Variants in PRG2 observed in about 807,000 individuals in gnomAD.
PRG2 encodes the protein proteoglycan 2, pro eosinophil major basic protein, also known as bone marrow proteoglycan.
Under a neutral mutation model 24.7 loss-of-function variants are expected in PRG2, and 23 were observed. The observed-to-expected ratio is 0.93, with a 90% CI of 0.67 to 1.32. The LOEUF is 1.32. Ranked by LOEUF, PRG2 falls within the 40% of genes most tolerant of loss-of-function variation. The pLI, the probability that PRG2 is intolerant of heterozygous loss-of-function variation, is 0.00. For synonymous variants in PRG2, 104 were observed against 99.8 expected, an observed-to-expected ratio of 1.04 and a Z score of -0.25; for missense variants, 271 against 280.9, an observed-to-expected ratio of 0.96 and a Z score of 0.25.
intron 2 of PRG2, 104 bp from the exon 3 acceptor site, chr11:57,389,421 T>C (rs1205207311): frequency 3.2e-5 from 41 of 1,285,940 alleles, no homozygotes; most frequent in Non-Finnish European, 4.1e-5. Context: ...AGTGCTCAAC[T>C]CTGCCTGGGA....
intron 5 of PRG2, 99 bp from the exon 6 acceptor site, chr11:57,387,632 A>C (rs1422937875): frequency 8.6e-6 from 12 of 1,399,386 alleles, no homozygotes; most frequent in Non-Finnish European, 9.9e-7. Flanking sequence ...CTGTGGAGTC[A>C]GAGTATATAA....
intron 1 of PRG2, 62 bp downstream of exon 1, chr11:57,390,534 G>A: frequency 1.0e-6 from 1 of 964,698 alleles, no homozygotes; most frequent in South Asian, 4.8e-5. Context: ...GTCAGCCACA[G>A]CCAGGGACCT....
intron 3 of PRG2, 68 bp downstream of exon 3, chr11:57,388,942 G>C: frequency 6.5e-7 from 1 of 1,543,132 alleles, no homozygotes; most frequent in Non-Finnish European, 8.7e-7. Context: ...GCCAGTGATA[G>C]CAATGCTGGG....
intron 2 of PRG2, among the ~76,000 whole-genome samples, chr11:57,389,640 G>C (rs1457091867): frequency 6.6e-6 from 1 of 152,192 alleles, no homozygotes; most frequent in African/African-American, 2.4e-5. Flanking sequence ...CACTCAGTAA[G>C]CTCAAAGTAA....
At chr11:57,388,405 C>A (rs1340517701) in intron 4 of PRG2, among the ~76,000 whole-genome samples, 172 bp downstream of exon 4, 2 of 152,120 alleles carry the variant, frequency 1.3e-5, no homozygotes, top group Non-Finnish European at 2.9e-5. Context: ...GATTCTAAAT[C>A]CTTAGCTCTT....
At chr11:57,389,430 G>C in intron 2 of PRG2, 113 bp from the exon 3 acceptor site, 2 of 1,208,920 alleles carry the variant, frequency 1.7e-6, no homozygotes, top group Middle Eastern at 2.7e-4. Context: ...CTCTGCCTGG[G>C]AAGGGGAACC....
chr11:57,389,679 A>G (rs376263776), intron 2 of PRG2, among the ~76,000 whole-genome samples: 2 of 152,222 alleles, frequency 1.3e-5, no homozygotes, highest in African/African-American at 4.8e-5. Context: ...AAAATTGGGA[A>G]TGTCACAGTA....
chr11:57,388,433 G>GC lies in PRG2; in HGVS notation c.498+143dup, dbSNP rs917765300. 2.8e-5 allele frequency: 35 copies of GC among 1,255,966 alleles called. No individual in the cohort carries two copies. The African/African-American group carries it at 5.0e-4, about 18-fold the overall frequency. 77.8% of individuals were successfully genotyped at this position (1,255,966 alleles called of 1,614,324 possible). ...TAGCTCTTCCCTGAATGCCCAGGCA[G>GC]CCCCCTCAGTGTTGTCTGTGGGTGT... is the stretch of plus-strand genomic sequence containing the variant. On this transcript the variant is annotated intron_variant, in intron 4 of 5. Coordinates refer to ENST00000311862, the MANE Select transcript of PRG2 (RefSeq NM_002728.6).
chr11:57,389,412 G>A (rs1857115865), intron 2 of PRG2, 95 bp from the exon 3 acceptor site: 36 of 1,349,374 alleles, frequency 2.7e-5, no homozygotes, highest in Non-Finnish European at 3.4e-5. Context: ...GGGCATCAGA[G>A]TGCTCAACTC....
At position 57,387,521 on chromosome 11, in the gene PRG2, C is replaced by A. The variant is rs146228047; in HGVS notation, c.623G>T (p.Arg208Leu). 6.2e-7 allele frequency: 1 copy of A among 1,613,788 alleles called. No individual in the cohort carries two copies. The highest frequency in any genetic ancestry group is 8.5e-7 in the Non-Finnish European group (1 of 1,179,832). Residue 208 changes from arginine to leucine, a missense_variant, in exon 6 of 6, where the codon CGT becomes CTT. Arg to Leu is a moderately radical substitution (Grantham distance 102). Transcript: ENST00000311862. Reference sequence around the variant, plus strand: ...AAGTCTTCTGAGGCAGTGGGCTCGACGCCAGTGGCCTCCTGTGAAGGCAGA... The same window carrying A: ...AAGTCTTCTGAGGCAGTGGGCTCGAAGCCAGTGGCCTCCTGTGAAGGCAGA... ...VALCTRGGHW[R>L]RAHCLRRLPF... is the part of the protein sequence containing the mutation.
rs761115844 is a variant in PRG2 at position 57,389,181 on chromosome 11, T to A, written c.195A>T (p.Glu65Asp). The change falls in exon 3 of 6, where the codon GAA becomes GAT. Residue 65 changes from glutamate (E) to aspartate (D), a missense_variant. By Grantham distance (45) the Glu-to-Asp change is conservative. Transcript: ENST00000311862. Reference sequence around the variant, plus strand: ...CAGCCCCATCTTTCTTGGAGGCATCTTCACTTCCAGAGCCCCACTCCTCCT... The same window carrying A: ...CAGCCCCATCTTTCTTGGAGGCATCATCACTTCCAGAGCCCCACTCCTCCT... ...EEEEEWGSGS[E>D]DASKKDGAVE... is the part of the protein sequence containing the mutation. The A allele has an allele frequency of 6.2e-7, 1 of 1,614,184 alleles. No individual in the cohort carries two copies. The highest frequency in any genetic ancestry group is 1.1e-5 in the South Asian group (1 of 91,084).
chr11:57,390,597 C>A lies in PRG2; in HGVS notation c.-14G>T. 1.0e-6 allele frequency: 1 copy of A among 985,598 alleles called. No homozygotes were observed. The highest frequency in any genetic ancestry group is 1.2e-6 in the Non-Finnish European group (1 of 830,014). The allele number at this position is 985,598 out of a possible 1,614,324, so 61.1% of individuals were successfully genotyped here. Reference sequence around the variant, plus strand: ...CACCACAGCAGAGAAAGCACTCACCCACCCAGAGACCTTCCTGGGTCTTTA... The same window carrying A: ...CACCACAGCAGAGAAAGCACTCACCAACCCAGAGACCTTCCTGGGTCTTTA... On this transcript the variant is annotated splice_region_variant and 5_prime_UTR_variant, in exon 1 of 6. Transcript: ENST00000311862.
chr11:57,388,800 C>G (rs1590657455), intron 3 of PRG2, 92 bp from the exon 4 acceptor site: 4 of 1,530,454 alleles, frequency 2.6e-6, no homozygotes, highest in East Asian at 4.6e-5. Context: ...CCCTCCCTCC[C>G]CTGCCACAAC....
rs1336013709 is a variant in PRG2 at position 57,387,744 on chromosome 11, C to T, written c.610+10G>A. 1.9e-6 allele frequency: 3 copies of T among 1,555,652 alleles called. No homozygotes were observed. Among genetic ancestry groups the T allele is most frequent in the Non-Finnish European group, 2.6e-6 (3 of 1,149,398 alleles). On this transcript the variant is annotated intron_variant, in intron 5 of 5. Transcript: ENST00000311862. ...GACCTTTCCATCGTTCATCCCCAGC[C>T]CCACCTCACCTCGGGTACACAGGGC...
intron 2 of PRG2, 126 bp from the exon 3 acceptor site, chr11:57,389,443 G>A: frequency 2.8e-6 from 3 of 1,089,324 alleles, no homozygotes; most frequent in Non-Finnish European, 2.6e-6. Flanking sequence ...GGGGAACCTG[G>A]AACCCAGTCT....
intron 2 of PRG2, 77 bp from the exon 3 acceptor site, chr11:57,389,394 C>T (rs769921940): frequency 1.2e-5 from 18 of 1,470,710 alleles, no homozygotes; most frequent in Non-Finnish European, 1.5e-5. Flanking sequence ...CAGCTCACAC[C>T]TTGCCCTGGG....
Position 57,387,827 on chromosome 11 carries a change from G to A in PRG2, c.537C>T (p.Arg179=), listed in dbSNP as rs1195913551. ...CRRFQWVDGS[R]WNFAYWAAHQ... is the part of the protein sequence containing the mutation. ...GAGCAGCCCAGTATGCAAAGTTCCA[G>A]CGGCTGCCGTCAACCCACTGAAAGC... The change falls in exon 5 of 6, where the codon CGC becomes CGT. Residue 179 remains arginine (R), a synonymous_variant. Coordinates refer to ENST00000311862, the MANE Select transcript of PRG2 (RefSeq NM_002728.6). The A allele has an allele frequency of 4.4e-6, 7 of 1,580,894 alleles. No individual in the cohort carries two copies. In the East Asian group the frequency reaches 1.6e-4, roughly 36 times the overall value.
rs372012909 is a variant in PRG2, at chr11:57,389,369, C to A, written c.59-52G>T. On this transcript the variant is annotated intron_variant, in intron 2 of 5. Coordinates refer to ENST00000311862, the MANE Select transcript of PRG2 (RefSeq NM_002728.6). ...TTCCTTCACATCTCCCCTTGTTCCT[C>A]CCCAGAACCACAGACAGCTCACACC... 5 of 1,554,554 alleles carry A rather than the reference C, an allele frequency of 3.2e-6. No individual in the cohort carries two copies. The African/African-American group carries it at 6.8e-5, about 21-fold the overall frequency.
In PRG2 at chr11:57,387,582, C is replaced by G; in HGVS notation, c.611-49G>C. ...ACTTTCAGCCTCTTGTCCATCCCAA[C>G]TCAACCCACAGGAGGGCCTCTTTTC... On this transcript the variant is annotated intron_variant, in intron 5 of 5. Transcript: ENST00000311862. 1.9e-6 allele frequency: 3 copies of G among 1,572,796 alleles called. No individual in the cohort carries two copies. The South Asian group carries it at 3.4e-5, about 18-fold the overall frequency.
Sources: gnomAD v4.1 joint callset for allele counts (sites outside exome capture counted in the v4.1 genomes callset) on GRCh38, gnomAD v4.1.1 for gene constraint, MANE v1.5 for transcripts, NCBI Gene and HGNC (gene_info 2026-07-23, HGNC 2026-07-21) for gene names.